RANBP2: variants seen among roughly 807,000 people sequenced by gnomAD.
The protein encoded by RANBP2 is E3 SUMO-protein ligase RanBP2.
RANBP2 carries 57 observed loss-of-function variants against 303.6 expected under a neutral mutation model. That is an observed-to-expected ratio of 0.19 (90% CI 0.15 to 0.23). The LOEUF is 0.23. Among genes scored for constraint, RANBP2 ranks in the 10% least tolerant of loss-of-function variants. The pLI is 1.00. For missense variants in RANBP2, 3,138 were observed against 3,780.8 expected (o/e 0.83, Z 4.46); for synonymous variants, 1,167 against 1,301.5 (o/e 0.90, Z 2.23).
At chr2:109,760,796 G>C in the RANBP2 span, among the ~76,000 whole-genome samples, 2 of 140,366 alleles carry the variant, frequency 1.4e-5, no homozygotes, top group Admixed American at 1.5e-4. Flanking sequence ...CGGCCGCTTC[G>C]GGCGGGCGGG....
chr2:109,129,404 C>T, the RANBP2 span: 1 of 1,403,040 alleles, frequency 7.1e-7, no homozygotes, highest in Non-Finnish European at 9.6e-7. Context: ...ACAGCCCTAG[C>T]ATCGGGCCAC....
the RANBP2 span, among the ~76,000 whole-genome samples, chr2:109,428,043 C>G: frequency 6.6e-6 from 1 of 152,254 alleles, no homozygotes; most frequent in Admixed American, 6.5e-5. Flanking sequence ...GCCCCCTGGC[C>G]TCCAGTGCAG....
At chr2:108,875,637 C>T in the RANBP2 span, among the ~76,000 whole-genome samples, 5 of 152,170 alleles carry the variant, frequency 3.3e-5, no homozygotes, top group Admixed American at 6.5e-5. Context: ...GAAGGAGGAT[C>T]GCCTGAGCCC....
chr2:109,529,136 G>A, the RANBP2 span, among the ~76,000 whole-genome samples: 2 of 152,352 alleles, frequency 1.3e-5, no homozygotes, highest in South Asian at 2.1e-4. Context: ...GGGCCCTGCA[G>A]GTGAGTCCTG....
chr2:109,674,117 C>T, the RANBP2 span, among the ~76,000 whole-genome samples: 2 of 152,026 alleles, frequency 1.3e-5, no homozygotes, highest in African/African-American at 4.8e-5. Context: ...CTTTCACATC[C>T]TATTGGCCTC....
intron 28 of RANBP2, 62 bp downstream of exon 28, chr2:108,782,924 A>T: frequency 1.4e-6 from 2 of 1,429,118 alleles, no homozygotes; most frequent in Non-Finnish European, 2.0e-6. Flanking sequence ...ACTAATGGGA[A>T]ATTTGAGTGT....
the RANBP2 span, among the ~76,000 whole-genome samples, chr2:108,939,455 G>A: frequency 6.6e-6 from 1 of 152,326 alleles, no homozygotes; most frequent in East Asian, 1.9e-4. Context: ...ATGTGAAAAT[G>A]GGTGCTAATG....
At chr2:109,375,720 G>A in the RANBP2 span, among the ~76,000 whole-genome samples, 1 of 152,238 alleles carries the variant, frequency 6.6e-6, no homozygotes, top group African/African-American at 2.4e-5. Context: ...ATGAGTGCCG[G>A]GGCTGAGCAC....
chr2:109,568,013 A>T, the RANBP2 span: 2 of 1,266,556 alleles, frequency 1.6e-6, no homozygotes, highest in East Asian at 2.9e-5. Flanking sequence ...CTTACTGAGG[A>T]TTTTTTTTTT....
chr2:109,395,393 C>T, the RANBP2 span, among the ~76,000 whole-genome samples: 1 of 152,196 alleles, frequency 6.6e-6, no homozygotes, highest in African/African-American at 2.4e-5. Context: ...ACAGCCTAAC[C>T]CCTCCTCTTC....
chr2:109,409,736 A>C, the RANBP2 span, among the ~76,000 whole-genome samples: 5 of 151,634 alleles, frequency 3.3e-5, no homozygotes, highest in African/African-American at 1.2e-4. Context: ...CTCTGGCTAC[A>C]CAAGCTGCTT....
the RANBP2 span, among the ~76,000 whole-genome samples, chr2:109,463,565 ATAT>A: frequency 6.6e-6 from 1 of 152,266 alleles, no homozygotes; most frequent in South Asian, 2.1e-4. Flanking sequence ...GTGGGAGGAA[ATAT>A]TAGTTACTTC....
the RANBP2 span, among the ~76,000 whole-genome samples, chr2:109,040,942 G>C: frequency 6.6e-6 from 1 of 152,164 alleles, no homozygotes; most frequent in Non-Finnish European, 1.5e-5. Flanking sequence ...TGTAGTCCCA[G>C]CTACTCGGGA....
the RANBP2 span, among the ~76,000 whole-genome samples, chr2:108,964,886 T>C: frequency 1.3e-5 from 2 of 152,206 alleles, no homozygotes; most frequent in Non-Finnish European, 2.9e-5. Context: ...AAAAACATAC[T>C]TAATAACAGC....
At chr2:109,601,881 A>G in the RANBP2 span, among the ~76,000 whole-genome samples, 1 of 152,146 alleles carries the variant, frequency 6.6e-6, no homozygotes, top group Non-Finnish European at 1.5e-5. Context: ...ACTTTTTCCC[A>G]ATGTTGTTAG....
the RANBP2 span, among the ~76,000 whole-genome samples, chr2:109,416,443 C>G: frequency 6.6e-6 from 1 of 151,864 alleles, no homozygotes; most frequent in South Asian, 2.1e-4. Flanking sequence ...ACTAAAAATA[C>G]AAAATATCTC....
rs141230513 is a variant in RANBP2, at chr2:108,763,701, G to T, written c.3162G>T (p.Gln1054His). The change falls in exon 20 of 29, where the codon CAG (glutamine) becomes CAT (histidine). Residue 1054 changes from glutamine (Q) to histidine (H), a missense_variant. Coordinates refer to ENST00000283195, the MANE Select transcript of RANBP2 (RefSeq NM_006267.5). ...FTFSSPQVVT[Q>H]PPPAAYSNSE... ...TTTCCTCACCACAGGTTGTGACACA[G>T]CCCCCTCCTGCAGCTTACAGTAACA... 4.0e-3 allele frequency: 6,455 copies of T among 1,614,044 alleles called. 23 individuals carry two copies. The highest frequency in any genetic ancestry group is 4.9e-3 in the Admixed American group (294 of 59,994).
At chr2:108,737,153 G>T (rs979186779) in intron 6 of RANBP2, among the ~76,000 whole-genome samples, 2 of 151,916 alleles carry the variant, frequency 1.3e-5, no homozygotes, top group African/African-American at 4.8e-5. Flanking sequence ...TACCTAAATT[G>T]GTAGGGTAAG....
the RANBP2 span, among the ~76,000 whole-genome samples, chr2:109,731,557 G>C: frequency 6.6e-6 from 1 of 151,958 alleles, no homozygotes; most frequent in South Asian, 2.1e-4. Context: ...ACCACGCCTG[G>C]CTAATTTTTG....
Sources: gnomAD v4.1 joint callset for allele counts (sites outside exome capture counted in the v4.1 genomes callset) on GRCh38, gnomAD v4.1.1 for gene constraint, MANE v1.5 for transcripts, NCBI Gene and HGNC (gene_info 2026-07-23, HGNC 2026-07-21) for gene names.